Variants in APIP observed in about 807,000 individuals in gnomAD.
The protein encoded by APIP is APAF1 interacting protein, also known as methylthioribulose-1-phosphate dehydratase.
A neutral mutation model predicts 32.0 loss-of-function variants in APIP; 32 were observed. The observed-to-expected ratio is 1.00, with a 90% CI of 0.76 to 1.34. The LOEUF (loss-of-function observed/expected upper bound fraction) is 1.34. APIP is among the 40% of genes most tolerant of loss of function. The probability of loss-of-function intolerance (pLI) is 0.00; values close to 1 mark genes in which losing one functional copy is unlikely to be tolerated. For missense variants in APIP, 247 were observed against 298.6 expected (o/e 0.83, Z 1.27); for synonymous variants, 92 against 94.8 (o/e 0.97, Z 0.17).
chr11:34,908,490 G>A (rs548364988), intron 1 of APIP, among the ~76,000 whole-genome samples: 2 of 152,206 alleles, frequency 1.3e-5, no homozygotes, highest in East Asian at 3.9e-4. Context: ...TTCTTTACTT[G>A]AATGCCCCAG....
At chr11:34,883,106 T>C (rs543593895) in intron 6 of APIP, among the ~76,000 whole-genome samples, 1 of 152,202 alleles carries the variant, frequency 6.6e-6, no homozygotes, top group Non-Finnish European at 1.5e-5. Flanking sequence ...CTTTCTGAAA[T>C]AGAACTTTTG....
chr11:34,900,874 T>C (rs1185740340), intron 1 of APIP, among the ~76,000 whole-genome samples: 2 of 152,036 alleles, frequency 1.3e-5, no homozygotes, highest in Non-Finnish European at 2.9e-5. Context: ...AAACTGTCCA[T>C]GATAGACCAA....
At chr11:34,904,175 C>T (rs1227803535) in intron 1 of APIP, among the ~76,000 whole-genome samples, 1 of 152,200 alleles carries the variant, frequency 6.6e-6, no homozygotes, top group Non-Finnish European at 1.5e-5. Context: ...GAAGCATTTC[C>T]ATGCCATCCA....
At chr11:34,884,685 C>T (rs1360970249) in intron 5 of APIP, among the ~76,000 whole-genome samples, 2 of 150,876 alleles carry the variant, frequency 1.3e-5, no homozygotes, top group Non-Finnish European at 2.9e-5. Flanking sequence ...GATCGAGACA[C>T]TACACTCTAG....
Position 34,882,682 on chromosome 11 carries a change from C to A in APIP, c.*35G>T. ...TCATTTAAATAATAATTACGTTTAG[C>A]TTTATCTCTGTATATAATTAGACTT... On this transcript the variant is annotated 3_prime_UTR_variant, in exon 7 of 7. Coordinates refer to ENST00000395787, the MANE Select transcript of APIP (RefSeq NM_015957.4). 7.1e-7 allele frequency: 1 copy of A among 1,406,450 alleles called. No homozygotes were observed. The highest frequency in any genetic ancestry group is 1.3e-5 in the South Asian group (1 of 79,620). 87.1% of individuals were successfully genotyped at this position (1,406,450 alleles called of 1,614,324 possible). A position where few individuals can be genotyped will look rare whatever the true frequency, so the allele number is the denominator to read the frequency against.
chr11:34,902,416 G>A (rs1450797637), intron 1 of APIP, among the ~76,000 whole-genome samples: 1 of 152,186 alleles, frequency 6.6e-6, no homozygotes, highest in East Asian at 1.9e-4. Flanking sequence ...CAACTTCTCA[G>A]CTAACAGAGG....
At chr11:34,884,730 A>G (rs974430248) in intron 5 of APIP, among the ~76,000 whole-genome samples, 4 of 141,650 alleles carry the variant, frequency 2.8e-5, no homozygotes, top group African/African-American at 9.8e-5. Context: ...TCTCAAAAAA[A>G]AAAGAAAAAA....
chr11:34,892,429 T>C (rs921143191), intron 2 of APIP, among the ~76,000 whole-genome samples: 2 of 152,218 alleles, frequency 1.3e-5, no homozygotes, highest in Non-Finnish European at 2.9e-5. Flanking sequence ...ATTTGCTTTC[T>C]GGTCAGTTAA....
At chr11:34,893,794 G>A (rs181793744) in intron 2 of APIP, among the ~76,000 whole-genome samples, 2 of 152,278 alleles carry the variant, frequency 1.3e-5, no homozygotes, top group Admixed American at 1.3e-4. Context: ...GCATCATCTT[G>A]TGGTGTACCA....
At chr11:34,910,097 A>T (rs1028906656) in intron 1 of APIP, among the ~76,000 whole-genome samples, 37 of 152,236 alleles carry the variant, frequency 2.4e-4, no homozygotes. Context: ...GGGCAGCAGT[A>T]AGTGACGATT....
At chr11:34,913,797 C>T (rs577954806) in intron 1 of APIP, among the ~76,000 whole-genome samples, 1 of 152,254 alleles carries the variant, frequency 6.6e-6, no homozygotes, top group South Asian at 2.1e-4. Context: ...GGTTTACAAA[C>T]CTTTAGCTAG....
chr11:34,903,228 A>G (rs1853394868), intron 1 of APIP, among the ~76,000 whole-genome samples: 1 of 152,216 alleles, frequency 6.6e-6, no homozygotes, highest in South Asian at 2.1e-4. Context: ...CTATGCAGCA[A>G]GGGAAGATAC....
intron 5 of APIP, among the ~76,000 whole-genome samples, chr11:34,887,596 A>C (rs1042269260): frequency 6.6e-6 from 1 of 152,188 alleles, no homozygotes; most frequent in Non-Finnish European, 1.5e-5. Context: ...TTTCCTCTAA[A>C]CAAGGCAAGG....
At position 34,913,192 on chromosome 11, in the gene APIP, G is replaced by C. The variant is rs536209919; in HGVS notation, c.57+3036C>G. On this transcript the variant is annotated intron_variant, in intron 1 of 6. Coordinates refer to ENST00000395787, the MANE Select transcript of APIP (RefSeq NM_015957.4). ...TTTAACTCTAGCCAGCAATCCCCAG[G>C]CCTTCTTCAGTCATCCTGCTGATTA... Among the ~76,000 whole-genome samples, 134 of 152,200 alleles carry C rather than the reference G, an allele frequency of 8.8e-4. 2 individuals carry two copies. In the South Asian group the frequency reaches 0.026, roughly 30 times the overall value.
intron 4 of APIP, 58 bp from the exon 5 acceptor site, chr11:34,888,486 G>GA (rs551754743): frequency 1.3e-6 from 2 of 1,570,980 alleles, no homozygotes; most frequent in Non-Finnish European, 1.7e-6. Context: ...AGCTTTTAAA[G>GA]AAAAAAAGTC....
chr11:34,911,604 T>G (rs1160209210), intron 1 of APIP, among the ~76,000 whole-genome samples: 1 of 152,232 alleles, frequency 6.6e-6, no homozygotes, highest in Non-Finnish European at 1.5e-5. Context: ...TCAAGAGATT[T>G]CATATAAAAT....
chr11:34,916,262 TC>T lies in APIP; in HGVS notation c.22del (p.Glu8ArgfsTer20), dbSNP rs764336742. 10 of 1,612,506 alleles carry T rather than the reference TC, an allele frequency of 6.2e-6. No homozygotes were observed. In the African/African-American group the frequency reaches 1.1e-4, roughly 17 times the overall value. MSGCDAREGDCCSRRCGA... is the reference protein window; with the variant it reads MSGCDARXGDCCSRRCGA... Reference sequence around the variant, plus strand: ...GCATCTCCGGGAACAACAGTCTCCCTCCCGAGCATCACAGCCAGACATGGCC... The same window carrying T: ...GCATCTCCGGGAACAACAGTCTCCCTCCGAGCATCACAGCCAGACATGGCC... On this transcript the variant is annotated frameshift_variant, in exon 1 of 7. Transcript: ENST00000395787. LOFTEE classifies it high-confidence loss of function.
Position 34,912,842 on chromosome 11 carries a change from T to C in APIP, c.57+3386A>G, listed in dbSNP as rs1853578917. Among the ~76,000 whole-genome samples the C allele has an allele frequency of 2.6e-5, 4 of 152,186 alleles. No homozygotes were observed. In the South Asian group the frequency reaches 8.3e-4, roughly 32 times the overall value. On this transcript the variant is annotated intron_variant, in intron 1 of 6. Coordinates refer to ENST00000395787, the MANE Select transcript of APIP (RefSeq NM_015957.4). ...CTTAATAAACTTCCCTTTATATATATATTCCATTAGTTCTGTCCCTCTAGA... is the reference window on the plus strand; with the variant it reads ...CTTAATAAACTTCCCTTTATATATACATTCCATTAGTTCTGTCCCTCTAGA...
chr11:34,900,064 C>T (rs1034499734), intron 1 of APIP, among the ~76,000 whole-genome samples: 1 of 152,174 alleles, frequency 6.6e-6, no homozygotes, highest in African/African-American at 2.4e-5. Context: ...GATGGACAAA[C>T]CTGGCCTGCT....
Sources: gnomAD v4.1 joint callset for allele counts (sites outside exome capture counted in the v4.1 genomes callset) on GRCh38, gnomAD v4.1.1 for gene constraint, MANE v1.5 for transcripts, NCBI Gene and HGNC (gene_info 2026-07-23, HGNC 2026-07-21) for gene names.